CHRM2: variants seen among roughly 807,000 people sequenced by gnomAD.
CHRM2 encodes muscarinic acetylcholine receptor M2.
A neutral mutation model predicts 25.0 loss-of-function variants in CHRM2; 8 were observed. The ratio of observed to expected loss-of-function variants is 0.32; its 90% confidence interval spans 0.19 to 0.58. The LOEUF (loss-of-function observed/expected upper bound fraction) is 0.58, where lower values mean the gene tolerates loss of function less well. Among genes scored for constraint, CHRM2 ranks in the 20% least tolerant of loss-of-function variants. CHRM2 has a pLI of 0.88. For missense variants in CHRM2, 440 were observed against 567.1 expected, an observed-to-expected ratio of 0.78 and a Z score of 2.28; for synonymous variants, 202 against 205.7, an observed-to-expected ratio of 0.98 and a Z score of 0.15.
intron 2 of CHRM2, among the ~76,000 whole-genome samples, chr7:136,922,156 T>C (rs1038870746): frequency 7.9e-5 from 12 of 152,172 alleles, no homozygotes; most frequent in Non-Finnish European, 1.2e-4. Context: ...TTGATATCTA[T>C]TCTCTTCCAA....
intron 2 of CHRM2, among the ~76,000 whole-genome samples, 162 bp from the exon 3 acceptor site, chr7:136,992,025 T>C (rs774174130): frequency 2.0e-5 from 3 of 152,194 alleles, no homozygotes; most frequent in Non-Finnish European, 4.4e-5. Context: ...GACAGGTGCA[T>C]GTACTTCAGA....
chr7:136,992,127 C>A (rs1415108375), intron 2 of CHRM2, 60 bp from the exon 3 acceptor site: 2 of 152,050 alleles, frequency 1.3e-5, no homozygotes, highest in Non-Finnish European at 2.9e-5. Flanking sequence ...CTCCATTTTT[C>A]TGTTTGTTGT....
intron 2 of CHRM2, among the ~76,000 whole-genome samples, chr7:136,921,683 C>A: frequency 6.6e-6 from 1 of 152,104 alleles, no homozygotes. Flanking sequence ...CAGAAAATCA[C>A]CTTTTCTGGA....
chr7:136,906,267 ATAAT>A (rs1177433601), intron 2 of CHRM2, among the ~76,000 whole-genome samples: 2 of 151,040 alleles, frequency 1.3e-5, no homozygotes, highest in Non-Finnish European at 3.0e-5. Context: ...GTGTGATTAA[ATAAT>A]TAAAAATATT....
intron 2 of CHRM2, among the ~76,000 whole-genome samples, chr7:136,986,073 C>G (rs1802835795): frequency 6.6e-6 from 1 of 152,112 alleles, no homozygotes; most frequent in Non-Finnish European, 1.5e-5. Context: ...CTATCATCAT[C>G]CCTCTCTCAT....
At chr7:136,976,479 C>T (rs545942344) in intron 2 of CHRM2, among the ~76,000 whole-genome samples, 5 of 152,144 alleles carry the variant, frequency 3.3e-5, no homozygotes, top group South Asian at 2.1e-4. Context: ...TCCAGATTTG[C>T]AAACCAAGAA....
chr7:136,908,245 A>G (rs1318633961), intron 2 of CHRM2, among the ~76,000 whole-genome samples: 5 of 151,900 alleles, frequency 3.3e-5, no homozygotes, highest in Admixed American at 6.6e-5. Flanking sequence ...GTTTTACGTC[A>G]TCCTTCTTAA....
chr7:136,942,922 A>C (rs1268603325), intron 2 of CHRM2, among the ~76,000 whole-genome samples: 2 of 151,904 alleles, frequency 1.3e-5, no homozygotes, highest in Non-Finnish European at 2.9e-5. Flanking sequence ...CCTTACTGTC[A>C]GAGTCTTCAT....
chr7:136,883,000 C>T (rs1474066453), intron 2 of CHRM2, among the ~76,000 whole-genome samples: 3 of 152,112 alleles, frequency 2.0e-5, no homozygotes, highest in African/African-American at 7.2e-5. Flanking sequence ...GAATAATATA[C>T]CTCATGAAAC....
At chr7:136,944,013 TATGTGA>T (rs1385086091) in intron 2 of CHRM2, among the ~76,000 whole-genome samples, 1 of 152,148 alleles carries the variant, frequency 6.6e-6, no homozygotes, top group Non-Finnish European at 1.5e-5. Flanking sequence ...GACTCTCTGA[TATGTGA>T]ATGTGTACTT....
chr7:137,010,413 G>A (rs1201557185), intron 3 of CHRM2, among the ~76,000 whole-genome samples: 1 of 152,016 alleles, frequency 6.6e-6, no homozygotes. Flanking sequence ...GTTCTTGAAG[G>A]TCATCTTCAT....
rs139878507 is a variant in CHRM2, at chr7:136,997,666, A to G, written c.-47+5402A>G. Among the ~76,000 whole-genome samples the G allele has an allele frequency of 9.7e-4, 147 of 152,290 alleles. 4 individuals are homozygous for G. In the East Asian group the frequency reaches 0.024, roughly 25 times the overall value. ...GCAACACAAAACATAATACTGTACA[A>G]GAAAGAATTTATTCTTGTCTGATCT... On this transcript the variant is annotated intron_variant, in intron 3 of 3. Coordinates refer to ENST00000680005, the MANE Select transcript of CHRM2 (RefSeq NM_001006630.2).
intron 2 of CHRM2, among the ~76,000 whole-genome samples, chr7:136,953,732 GA>G (rs5887821): frequency 0.66 from 98,441 of 148,844 alleles, 32,901 homozygotes; most frequent in African/African-American, 0.74. Flanking sequence ...AAAATTTAAT[GA>G]AAAAAAAAAA....
At chr7:136,898,090 T>G (rs919060429) in intron 2 of CHRM2, among the ~76,000 whole-genome samples, 1 of 152,092 alleles carries the variant, frequency 6.6e-6, no homozygotes. Context: ...TATTAGAAAC[T>G]TTAGCTGAAG....
At chr7:136,983,955 A>T (rs999621188) in intron 2 of CHRM2, among the ~76,000 whole-genome samples, 2 of 152,182 alleles carry the variant, frequency 1.3e-5, no homozygotes, top group African/African-American at 4.8e-5. Context: ...CCCTTGGCAG[A>T]GCTTGGGCAC....
At chr7:136,957,855 T>G (rs1800815538) in intron 2 of CHRM2, among the ~76,000 whole-genome samples, 1 of 152,238 alleles carries the variant, frequency 6.6e-6, no homozygotes, top group Non-Finnish European at 1.5e-5. Flanking sequence ...CATCTATAAT[T>G]AGTCAAAACG....
chr7:136,873,716 C>T (rs1795933591), intron 2 of CHRM2, among the ~76,000 whole-genome samples: 1 of 152,132 alleles, frequency 6.6e-6, no homozygotes, highest in African/African-American at 2.4e-5. Flanking sequence ...ACTTGTTTTC[C>T]CTGTGTTTGG....
Position 137,016,507 on chromosome 7 carries a change from G to T in CHRM2, c.*241G>T. On this transcript the variant is annotated 3_prime_UTR_variant, in exon 4 of 4. Coordinates refer to ENST00000680005, the MANE Select transcript of CHRM2 (RefSeq NM_001006630.2). ...AATGAAAGAAACATGTTGGGATCGT[G>T]GATTTAAGAAACTATACACTGTTTC... 2.0e-6 allele frequency: 1 copy of T among 512,800 alleles called. No individual in the cohort carries two copies. The highest frequency in any genetic ancestry group is 3.6e-6 in the Non-Finnish European group (1 of 276,100). The allele number at this position is 512,800 out of a possible 1,614,324, so 31.8% of individuals were successfully genotyped here.
chr7:137,016,437 C>CA lies in CHRM2; in HGVS notation c.*176dup. 1.5e-6 allele frequency: 1 copy of CA among 657,638 alleles called. No individual in the cohort carries two copies. The highest frequency in any genetic ancestry group is 2.7e-6 in the Non-Finnish European group (1 of 374,318). The allele number at this position is 657,638 out of a possible 1,614,324, so 40.7% of individuals were successfully genotyped here. ...CTTATCACGCCTAGGCTCCAGTTTGCAAAAATTGCACCTTATAAACTGTCA... is the reference window on the plus strand; with the variant it reads ...CTTATCACGCCTAGGCTCCAGTTTGCAAAAAATTGCACCTTATAAACTGTCA... On this transcript the variant is annotated 3_prime_UTR_variant, in exon 4 of 4. Transcript: ENST00000680005.
Sources: gnomAD v4.1 joint callset for allele counts (sites outside exome capture counted in the v4.1 genomes callset) on GRCh38, gnomAD v4.1.1 for gene constraint, MANE v1.5 for transcripts, NCBI Gene and HGNC (gene_info 2026-07-23, HGNC 2026-07-21) for gene names.